The following LAMB3 variants were observed in gnomAD, a reference collection of about 807,000 sequenced individuals.
LAMB3 encodes laminin subunit beta-3.
In LAMB3, 104 loss-of-function variants were observed where a neutral mutation model predicts 140.3. The ratio of observed to expected loss-of-function variants is 0.74; its 90% CI spans 0.63 to 0.87. The LOEUF (loss-of-function observed/expected upper bound fraction) is 0.87, where lower values mean the gene tolerates loss of function less well. Among genes scored for constraint, LAMB3 ranks in the 40% least tolerant of loss-of-function variants. The pLI, the probability that LAMB3 is intolerant of heterozygous loss-of-function variation, is 0.00. For synonymous variants in LAMB3, 592 were observed against 602.9 expected (o/e 0.98, Z 0.26); for missense variants, 1,531 against 1,575.2 (o/e 0.97, Z 0.47).
chr1:209,637,552 G>A (rs1666931769), intron 5 of LAMB3, among the ~76,000 whole-genome samples: 1 of 152,066 alleles, frequency 6.6e-6, no homozygotes, highest in Non-Finnish European at 1.5e-5. Flanking sequence ...TTGGCTGCTT[G>A]TTAAAGTCAA....
rs201962854 is a variant in LAMB3, at chr1:209,617,373, G to A, written c.3228+37C>T. On this transcript the variant is annotated intron_variant, in intron 21 of 22. Coordinates refer to ENST00000356082, the MANE Select transcript of LAMB3 (RefSeq NM_000228.3). ...TCCTCTGCTCAGGACCCCCTCACTG[G>A]CCGTACATCATTGAGCTAACTCCGC... is the stretch of plus-strand genomic sequence containing the variant. 13 of 1,602,892 alleles carry A rather than the reference G, an allele frequency of 8.1e-6. No homozygotes were observed. In the Admixed American group the frequency reaches 1.7e-4, roughly 21 times the overall value.
chr1:209,634,773 C>G (rs1211991109), intron 5 of LAMB3, 135 bp from the exon 6 acceptor site: 1 of 696,644 alleles, frequency 1.4e-6, no homozygotes, highest in Non-Finnish European at 2.5e-6. Flanking sequence ...TCGGAGCATC[C>G]GGGTCCAAAC....
intron 6 of LAMB3, among the ~76,000 whole-genome samples, chr1:209,634,024 G>C (rs1177018721): frequency 1.3e-5 from 2 of 152,230 alleles, no homozygotes; most frequent in African/African-American, 4.8e-5. Flanking sequence ...TAGATGGATA[G>C]ATTAAACTGA....
rs202096620 is a variant in LAMB3 at position 209,627,540 on chromosome 1, G to A, written c.1328C>T (p.Pro443Leu). 79 of 1,614,080 alleles carry A rather than the reference G, an allele frequency of 4.9e-5. No individual in the cohort carries two copies. In the South Asian group the frequency reaches 5.3e-4, roughly 11 times the overall value. Residue 443 changes from proline (P) to leucine (L), a missense_variant, in exon 12 of 23, where the codon CCG becomes CTG. Transcript: ENST00000356082. ...GCAGCGCCCACTCTCCTCGTCACAC[G>A]GCATGTCCCTCCGGGACCCCAGGAT... ...CNILGSRRDM[P>L]CDEESGRCLC...
chr1:209,647,699 G>A (rs11119319), intron 3 of LAMB3, among the ~76,000 whole-genome samples: 20,996 of 152,118 alleles, frequency 0.14, 1,903 homozygotes, highest in Non-Finnish European at 0.2. Flanking sequence ...ATTTCTGGCT[G>A]TGGCTGTCCA....
intron 6 of LAMB3, 46 bp from the exon 7 acceptor site, chr1:209,633,179 T>A: frequency 7.2e-7 from 1 of 1,386,904 alleles, no homozygotes; most frequent in Non-Finnish European, 1.0e-6. Flanking sequence ...AGACAAATAG[T>A]GTGCCCCGAG....
intron 5 of LAMB3, 72 bp from the exon 6 acceptor site, chr1:209,634,710 C>G (rs1305194243): frequency 7.1e-6 from 9 of 1,268,152 alleles, no homozygotes; most frequent in Non-Finnish European, 7.9e-6. Context: ...AGCAGAGAGA[C>G]AGGCTCCTCC....
In LAMB3 at chr1:209,632,495, C is replaced by T. The variant is rs562974638; in HGVS notation, c.822+88G>A. Reference sequence around the variant, plus strand: ...AATACCCAAGTCTTAGATTTAGTGCCCTTCCTGCTTTACAGGAGCCCCAAG... The same window carrying T: ...AATACCCAAGTCTTAGATTTAGTGCTCTTCCTGCTTTACAGGAGCCCCAAG... On this transcript the variant is annotated intron_variant, in intron 8 of 22. Transcript: ENST00000356082. 217 of 1,029,552 alleles carry T rather than the reference C, an allele frequency of 2.1e-4. 1 individual carries two copies. The South Asian group carries it at 3.0e-3, about 14-fold the overall frequency. 63.8% of individuals were successfully genotyped at this position (1,029,552 alleles called of 1,614,324 possible). A position where few individuals can be genotyped will look rare whatever the true frequency, so the allele number is the denominator to read the frequency against.
At chr1:209,642,732 G>C (rs2076480861) in intron 3 of LAMB3, among the ~76,000 whole-genome samples, 2 of 152,140 alleles carry the variant, frequency 1.3e-5, no homozygotes, top group African/African-American at 4.8e-5. Flanking sequence ...ACCCACCCCA[G>C]CCTCCCAAAG....
At chr1:209,632,456 C>T (rs1188824925) in intron 8 of LAMB3, 127 bp downstream of exon 8, 1 of 697,194 alleles carries the variant, frequency 1.4e-6, no homozygotes, top group Non-Finnish European at 2.4e-6. Flanking sequence ...TTTGTTGTTG[C>T]TGCTGAAGTA....
At chr1:209,624,470 C>G (rs561382977) in intron 14 of LAMB3, among the ~76,000 whole-genome samples, 6 of 152,246 alleles carry the variant, frequency 3.9e-5, no homozygotes, top group Admixed American at 6.5e-5. Flanking sequence ...CTCCCAGGCC[C>G]TTGGCCACTG....
At position 209,617,636 on chromosome 1, in the gene LAMB3, G is replaced by A. The variant is rs776717210; in HGVS notation, c.3052-50C>T. Reference sequence around the variant, plus strand: ...CCTTTGTGGTGGGTCTCATAGGTCGGGGGGTTCATCCCCATTTTTTCTCCA... The same window carrying A: ...CCTTTGTGGTGGGTCTCATAGGTCGAGGGGTTCATCCCCATTTTTTCTCCA... On this transcript the variant is annotated intron_variant, in intron 20 of 22. Transcript: ENST00000356082. 25 of 1,603,808 alleles carry A rather than the reference G, an allele frequency of 1.6e-5. No homozygotes were observed. The South Asian group carries it at 2.5e-4, about 16-fold the overall frequency.
chr1:209,620,335 G>A (rs146906269), intron 18 of LAMB3, among the ~76,000 whole-genome samples: 1 of 152,194 alleles, frequency 6.6e-6, no homozygotes, highest in Non-Finnish European at 1.5e-5. Flanking sequence ...CAGGTGCTAT[G>A]ATGGCCATGG....
chr1:209,632,697 G>T lies in LAMB3; in HGVS notation c.708C>A (p.Ser236Arg). The T allele has an allele frequency of 6.2e-7, 1 of 1,614,208 alleles. No homozygotes were observed. ...PVPQRGYHPP[S>R]AYYAVSQLRL... ...GGAGCTGGGACACAGCATAGTAGGC[G>T]CTGGGAGGGTGGTAGCCCCTTTGGG... The change falls in exon 8 of 23, where the codon AGC becomes AGA. Residue 236 changes from serine (S) to arginine (R), a missense_variant. Transcript: ENST00000356082.
In LAMB3 at chr1:209,628,147, A is replaced by T; in HGVS notation, c.1176T>A (p.Cys392Ter). The change falls in exon 11 of 23, where the codon TGT (cysteine) becomes TGA (stop). Residue 392 changes from cysteine (C) to a stop codon, truncating the protein, a stop_gained. Coordinates refer to ENST00000356082, the MANE Select transcript of LAMB3 (RefSeq NM_000228.3). LOFTEE classifies it high-confidence loss of function. The stretch of plus-strand genomic sequence containing the variant: ...ACACACACTGCCCGGTCACTGGGTC[A>T]CAGGGAGCCCCTGGCACTGCCCCAT... ...DPDGAVPGAP[C>*]DPVTGQCVCK... is the part of the protein sequence containing the mutation. 1 of 1,574,048 alleles carries T rather than the reference A, an allele frequency of 6.4e-7. No homozygotes were observed. Among genetic ancestry groups the T allele is most frequent in the Non-Finnish European group, 8.6e-7 (1 of 1,158,808 alleles).
rs1285990742 is a variant in LAMB3 at position 209,623,541 on chromosome 1, C to T, written c.2322G>A (p.Met774Ile). The part of the protein sequence containing the change: ...SPKLVALRLE[M>I]SSLPDLTPTF... ...TGGGTGTCAGGTCAGGCAACGAAGACATCTCCAGCCTCAGGGCCACAAGCT... is the reference window on the plus strand; with the variant it reads ...TGGGTGTCAGGTCAGGCAACGAAGATATCTCCAGCCTCAGGGCCACAAGCT... Residue 774 changes from methionine to isoleucine, a missense_variant, in exon 16 of 23, where the codon ATG becomes ATA. Coordinates refer to ENST00000356082, the MANE Select transcript of LAMB3 (RefSeq NM_000228.3). This position sits in a 1 kb window ranked among gnomAD's most constrained non-coding sequence, Gnocchi z 4.2. 2 of 1,614,240 alleles carry T rather than the reference C, an allele frequency of 1.2e-6. No homozygotes were observed. The highest frequency in any genetic ancestry group is 1.7e-5 in the Admixed American group (1 of 60,030).
chr1:209,617,418 C>A lies in LAMB3; in HGVS notation c.3220G>T (p.Ala1074Ser), dbSNP rs751659101. 3 of 1,612,442 alleles carry A rather than the reference C, an allele frequency of 1.9e-6. No homozygotes were observed. The highest frequency in any genetic ancestry group is 4.5e-5 in the East Asian group (2 of 44,898). ...AEGASEQALS[A>S]QEGFERIKQK... ...CTCCGCCTTCTCTGTACCTCTTGGG[C>A]ACTCAATGCCTGCTCGCTGGCACCT... The change falls in exon 21 of 23, where the codon GCC (alanine) becomes TCC (serine). Residue 1074 changes from alanine (A) to serine (S), a missense_variant. By Grantham distance (99) the Ala-to-Ser change is moderately conservative (BLOSUM62 1). Transcript: ENST00000356082.
At chr1:209,646,537 G>A (rs752372622) in intron 3 of LAMB3, among the ~76,000 whole-genome samples, 20 of 152,178 alleles carry the variant, frequency 1.3e-4, no homozygotes, top group African/African-American at 3.1e-4. Context: ...AACCATGACC[G>A]CCTGTGGATT....
At chr1:209,649,197 T>G (rs1449060151) in intron 3 of LAMB3, among the ~76,000 whole-genome samples, 40 of 152,214 alleles carry the variant, frequency 2.6e-4, no homozygotes, top group Admixed American at 2.6e-3. Flanking sequence ...AACCCCGGTC[T>G]CTTTCCCCAA....
Sources: allele counts gnomAD v4.1 joint callset (sites outside exome capture counted in the v4.1 genomes callset), GRCh38; gene constraint gnomAD v4.1.1; non-coding constraint Gnocchi (gnomAD v3.1); transcripts MANE v1.5; gene names NCBI Gene and HGNC (gene_info 2026-07-23, HGNC 2026-07-21).